The following DCPS variants were observed in gnomAD, a reference collection of about 807,000 sequenced individuals.
The protein encoded by DCPS is decapping enzyme, scavenger.
Under a neutral mutation model 34.7 loss-of-function variants are expected in DCPS, and 27 were observed. The observed-to-expected ratio is 0.78, with a 90% CI of 0.57 to 1.07. The LOEUF is 1.07. Ranked by LOEUF, DCPS falls within the 50% of genes least tolerant of loss-of-function variation. The pLI is 0.00. For synonymous variants in DCPS, 185 were observed against 185.7 expected (o/e 1.00, Z 0.03); for missense variants, 464 against 436.9 (o/e 1.06, Z -0.55).
Position 126,323,541 on chromosome 11 carries a change from C to CT in DCPS, c.377-7852dup, listed in dbSNP as rs11291658. ...TATTAAAGTTGCATTTCTTTCTTTT[C>CT]TTTTTTTTTTTTGAGACAGGGTCTT... On this transcript the variant is annotated intron_variant, in intron 2 of 5. Coordinates refer to ENST00000263579, the MANE Select transcript of DCPS (RefSeq NM_014026.6). This position sits in a 1 kb window ranked among gnomAD's most constrained non-coding sequence, Gnocchi z 4.4. Among the ~76,000 whole-genome samples, 126 of 147,452 alleles carry CT rather than the reference C, an allele frequency of 8.5e-4. 1 individual carries two copies. Among genetic ancestry groups the CT allele is most frequent in the Admixed American group, 2.6e-3 (38 of 14,806 alleles).
chr11:126,347,754 C>T lies in DCPS; in HGVS notation c.*2141C>T, dbSNP rs1472700523. Among the ~76,000 whole-genome samples the T allele has an allele frequency of 1.3e-5, 2 of 152,232 alleles. No homozygotes were observed. Among genetic ancestry groups the T allele is most frequent in the East Asian group, 3.8e-4 (2 of 5,202 alleles). On this transcript the variant is annotated 3_prime_UTR_variant, in exon 6 of 6. Coordinates refer to ENST00000263579, the MANE Select transcript of DCPS (RefSeq NM_014026.6). The surrounding 1 kb of genome is among the most constrained non-coding windows in gnomAD (Gnocchi z 4.2). ...GTTGGATGGAGGTCTTCTCCCAGAG[C>T]AGTGTCCAGCTTGCAGGAATGCTCC...
Position 126,347,284 on chromosome 11 carries a change from C to T in DCPS, c.*1671C>T, listed in dbSNP as rs898438617. On this transcript the variant is annotated 3_prime_UTR_variant, in exon 6 of 6. Transcript: ENST00000263579. The surrounding 1 kb of genome is among the most constrained non-coding windows in gnomAD (Gnocchi z 4.2). ...CATCACCCAGGCTGGAGTGCAGTGG[C>T]ACAATCTCGACTCACTGCAACCTCT... 2.7e-5 allele frequency among the ~76,000 whole-genome samples: 4 copies of T among 148,712 alleles called. No individual in the cohort carries two copies. Among genetic ancestry groups the T allele is most frequent in the Non-Finnish European group, 4.4e-5 (3 of 67,632 alleles).
At position 126,338,119 on chromosome 11, in the gene DCPS, A is replaced by G; in HGVS notation, c.523-167A>G. 1 of 634,774 alleles carries G rather than the reference A, an allele frequency of 1.6e-6. No homozygotes were observed. The highest frequency in any genetic ancestry group is 2.7e-5 in the Admixed American group (1 of 37,346). 39.3% of individuals were successfully genotyped at this position (634,774 alleles called of 1,614,324 possible). A position where few individuals can be genotyped will look rare whatever the true frequency, so the allele number is the denominator to read the frequency against. On this transcript the variant is annotated intron_variant, in intron 3 of 5. Transcript: ENST00000263579. The surrounding 1 kb of genome is among the most constrained non-coding windows in gnomAD (Gnocchi z 5.4). ...GTCCCTTCTGGACCCCTAAGAACAG[A>G]TGCTTGGGGACAGGGCAGCCCGGAT... is the stretch of plus-strand genomic sequence containing the variant.
chr11:126,340,879 CTG>C (rs1951870111), intron 4 of DCPS: 1 of 152,160 alleles, frequency 6.6e-6, no homozygotes, highest in African/African-American at 2.4e-5. Flanking sequence ...AAAGGATCAC[CTG>C]TGTGTTCTTT....
chr11:126,343,239 C>T, intron 4 of DCPS, 68 bp from the exon 5 acceptor site: 6 of 1,372,026 alleles, frequency 4.4e-6, no homozygotes, highest in Non-Finnish European at 6.1e-6. Context: ...TACGTGAGAA[C>T]TCCAGGGTTG....
intron 2 of DCPS, among the ~76,000 whole-genome samples, chr11:126,318,767 T>C (rs943480632): frequency 1.3e-5 from 2 of 152,290 alleles, no homozygotes; most frequent in South Asian, 2.1e-4. Context: ...GACTGAGCCA[T>C]AGAGATGAGC....
Position 126,347,021 on chromosome 11 carries a change from C to T in DCPS, c.*1408C>T, listed in dbSNP as rs1182944430. 4.0e-5 allele frequency among the ~76,000 whole-genome samples: 6 copies of T among 151,622 alleles called. No individual in the cohort carries two copies. Among genetic ancestry groups the T allele is most frequent in the East Asian group, 2.0e-4 (1 of 5,070 alleles). ...AGGAGAATCCCTTGAACCCGGGAGG[C>T]GGAGGTTGCCGTGAGCCACCGCACT... On this transcript the variant is annotated 3_prime_UTR_variant, in exon 6 of 6. Transcript: ENST00000263579. This position sits in a 1 kb window ranked among gnomAD's most constrained non-coding sequence, Gnocchi z 4.2.
At position 126,347,280 on chromosome 11, in the gene DCPS, G is replaced by A. The variant is rs895109441; in HGVS notation, c.*1667G>A. Reference sequence around the variant, plus strand: ...GCTCCATCACCCAGGCTGGAGTGCAGTGGCACAATCTCGACTCACTGCAAC... The same window carrying A: ...GCTCCATCACCCAGGCTGGAGTGCAATGGCACAATCTCGACTCACTGCAAC... On this transcript the variant is annotated 3_prime_UTR_variant, in exon 6 of 6. Coordinates refer to ENST00000263579, the MANE Select transcript of DCPS (RefSeq NM_014026.6). This position sits in a 1 kb window ranked among gnomAD's most constrained non-coding sequence, Gnocchi z 4.2. 1.3e-5 allele frequency among the ~76,000 whole-genome samples: 2 copies of A among 148,398 alleles called. No individual in the cohort carries two copies. The highest frequency in any genetic ancestry group is 2.1e-4 in the South Asian group (1 of 4,730).
rs748778470 is a variant in DCPS at position 126,338,384 on chromosome 11, G to A, written c.621G>A (p.Lys207=). 4 of 1,614,176 alleles carry A rather than the reference G, an allele frequency of 2.5e-6. No individual in the cohort carries two copies. The East Asian group carries it at 8.9e-5, about 36-fold the overall frequency. ...SDGFVLIPDL[K]WNQQQLDDLY... The stretch of plus-strand genomic sequence containing the variant: ...GTTTTGTCCTCATCCCTGACCTCAA[G>A]TGGAACCAACAGCAGGTAAAGGTTT... The change falls in exon 4 of 6, where the codon AAG becomes AAA. Residue 207 remains lysine, a synonymous_variant. Coordinates refer to ENST00000263579, the MANE Select transcript of DCPS (RefSeq NM_014026.6). This position sits in a 1 kb window ranked among gnomAD's most constrained non-coding sequence, Gnocchi z 5.4.
At chr11:126,343,462 C>G in intron 5 of DCPS, 45 bp downstream of exon 5, 1 of 1,481,476 alleles carries the variant, frequency 6.8e-7, no homozygotes. Flanking sequence ...AGAAATTAGA[C>G]TCAGATTCCA....
At position 126,325,846 on chromosome 11, in the gene DCPS, G is replaced by A. The variant is rs948687642; in HGVS notation, c.377-5559G>A. Reference sequence around the variant, plus strand: ...GAGAATGCCAGCAGGAAGGCCAGGCGCGGTGGCTCACACCTGTAATCCCAG... The same window carrying A: ...GAGAATGCCAGCAGGAAGGCCAGGCACGGTGGCTCACACCTGTAATCCCAG... On this transcript the variant is annotated intron_variant, in intron 2 of 5. Coordinates refer to ENST00000263579, the MANE Select transcript of DCPS (RefSeq NM_014026.6). This position sits in a 1 kb window ranked among gnomAD's most constrained non-coding sequence, Gnocchi z 4.3. Among the ~76,000 whole-genome samples the A allele has an allele frequency of 2.0e-5, 3 of 152,088 alleles. No homozygotes were observed. Among genetic ancestry groups the A allele is most frequent in the East Asian group, 1.9e-4 (1 of 5,174 alleles).
Position 126,332,982 on chromosome 11 carries a change from C to CA in DCPS, c.522+1433dup, listed in dbSNP as rs1951804011. 6.6e-6 allele frequency among the ~76,000 whole-genome samples: 1 copy of CA among 152,132 alleles called. No homozygotes were observed. Among genetic ancestry groups the CA allele is most frequent in the Non-Finnish European group, 1.5e-5 (1 of 68,028 alleles). ...TGGTTGGTGTGAGTAGCTGGGATTA[C>CA]AGGTGCTTGCCACCATGCCTGGCTA... is the stretch of plus-strand genomic sequence containing the variant. On this transcript the variant is annotated intron_variant, in intron 3 of 5. Transcript: ENST00000263579. This position sits in a 1 kb window ranked among gnomAD's most constrained non-coding sequence, Gnocchi z 5.4.
In DCPS at chr11:126,327,306, A is replaced by G. The variant is rs1364571851; in HGVS notation, c.377-4099A>G. On this transcript the variant is annotated intron_variant, in intron 2 of 5. Transcript: ENST00000263579. The surrounding 1 kb of genome is among the most constrained non-coding windows in gnomAD (Gnocchi z 4.1). The stretch of plus-strand genomic sequence containing the variant: ...AATGCCCCTGGATTTTGGTTTGCTG[A>G]TATTTCCTCATGACTGGACTCAGGT... Among the ~76,000 whole-genome samples the G allele has an allele frequency of 1.3e-5, 2 of 152,136 alleles. No homozygotes were observed. Among genetic ancestry groups the G allele is most frequent in the African/African-American group, 4.8e-5 (2 of 41,422 alleles).
intron 4 of DCPS, chr11:126,341,671 C>CCACGTGCA (rs1396699031): frequency 1.3e-5 from 2 of 152,282 alleles, no homozygotes. Flanking sequence ...ACCTTCACCA[C>CCACGTGCA]CACGTGCACA....
At chr11:126,316,360 T>A (rs953985331) in intron 2 of DCPS, among the ~76,000 whole-genome samples, 1 of 151,742 alleles carries the variant, frequency 6.6e-6, no homozygotes, top group African/African-American at 2.4e-5. Context: ...TCAGTTATTG[T>A]TAGTGTTAGT....
At chr11:126,340,615 G>A (rs1951868390) in intron 4 of DCPS, among the ~76,000 whole-genome samples, 1 of 152,224 alleles carries the variant, frequency 6.6e-6, no homozygotes, top group African/African-American at 2.4e-5. Context: ...CCATGCCTGG[G>A]CTTCTATCCT....
rs1350328901 is a variant in DCPS, at chr11:126,327,128, A to G, written c.377-4277A>G. Among the ~76,000 whole-genome samples, 1 of 152,200 alleles carries G rather than the reference A, an allele frequency of 6.6e-6. No homozygotes were observed. Among genetic ancestry groups the G allele is most frequent in the Non-Finnish European group, 1.5e-5 (1 of 68,038 alleles). On this transcript the variant is annotated intron_variant, in intron 2 of 5. Transcript: ENST00000263579. The surrounding 1 kb of genome is among the most constrained non-coding windows in gnomAD (Gnocchi z 4.1). ...TAAGTTGTGCCAGTTGCTTCAGTGC[A>G]GGGCGCCCCTCCCCGGATCCCAACC... is the stretch of plus-strand genomic sequence containing the variant.
In DCPS at chr11:126,320,491, A is replaced by T. The variant is rs988361253; in HGVS notation, c.377-10914A>T. On this transcript the variant is annotated intron_variant, in intron 2 of 5. Coordinates refer to ENST00000263579, the MANE Select transcript of DCPS (RefSeq NM_014026.6). The surrounding 1 kb of genome is among the most constrained non-coding windows in gnomAD (Gnocchi z 4.7). The stretch of plus-strand genomic sequence containing the variant: ...ACAATGATATTAAAGGAATATTCTT[A>T]AAAAAAAATTAACCCATCAAGACTA... 3.7e-5 allele frequency among the ~76,000 whole-genome samples: 5 copies of T among 136,776 alleles called. No homozygotes were observed. The highest frequency in any genetic ancestry group is 1.3e-4 in the African/African-American group (5 of 39,466). The allele number at this position is 136,776 out of a possible 152,430, so 89.7% of individuals were successfully genotyped here.
rs955474129 is a variant in DCPS, at chr11:126,319,886, C to T, written c.377-11519C>T. ...GGCAAATTACTCAACATCTCTGGGG[C>T]TCAGTTTTAAGGGGTAGCTTCCTTT... On this transcript the variant is annotated intron_variant, in intron 2 of 5. Transcript: ENST00000263579. This position sits in a 1 kb window ranked among gnomAD's most constrained non-coding sequence, Gnocchi z 4.5. 1.9e-4 allele frequency among the ~76,000 whole-genome samples: 29 copies of T among 152,090 alleles called. No individual in the cohort carries two copies. The highest frequency in any genetic ancestry group is 2.9e-5 in the Non-Finnish European group (2 of 68,016).
Sources: allele counts gnomAD v4.1 joint callset (sites outside exome capture counted in the v4.1 genomes callset), GRCh38; gene constraint gnomAD v4.1.1; non-coding constraint Gnocchi (gnomAD v3.1); transcripts MANE v1.5; gene names NCBI Gene and HGNC (gene_info 2026-07-23, HGNC 2026-07-21).